The following CDH16 variants were observed in gnomAD, a reference collection of about 807,000 sequenced individuals.
CDH16 encodes the protein cadherin-16.
Under a neutral mutation model 87.6 loss-of-function variants are expected in CDH16, and 79 were observed. The observed-to-expected ratio is 0.90, with a 90% CI of 0.75 to 1.09. CDH16 has a LOEUF of 1.09. Ranked by LOEUF, CDH16 falls within the 50% of genes least tolerant of loss-of-function variation. The pLI, the probability that CDH16 is intolerant of heterozygous loss-of-function variation, is 0.00. For synonymous variants in CDH16, 457 were observed against 439.5 expected (o/e 1.04, Z -0.50); for missense variants, 1,124 against 1,071.7 (o/e 1.05, Z -0.68).
chr16:66,912,665 A>G lies in CDH16; in HGVS notation c.1281T>C (p.Gly427=), dbSNP rs1596977151. ...VLAMDLAGAE[G]GFSSTCEVEV... Reference sequence around the variant, plus strand: ...TGGGTCACCAATCAGGGCACTTACCACCCTCTGCGCCTGCCAGGTCCATGG... The same window carrying G: ...TGGGTCACCAATCAGGGCACTTACCGCCCTCTGCGCCTGCCAGGTCCATGG... The change falls in exon 10 of 18, where the codon GGT becomes GGC. Residue 427 remains glycine, a splice_region_variant and synonymous_variant. Coordinates refer to ENST00000299752, the MANE Select transcript of CDH16 (RefSeq NM_004062.4). The G allele has an allele frequency of 6.2e-7, 1 of 1,613,876 alleles. No individual in the cohort carries two copies.
In CDH16 at chr16:66,911,943, G is replaced by A. The variant is rs142024712; in HGVS notation, c.1746C>T (p.Phe582=). 50 of 1,612,608 alleles carry A rather than the reference G, an allele frequency of 3.1e-5. No individual in the cohort carries two copies. The African/African-American group carries it at 5.3e-4, about 17-fold the overall frequency. The stretch of plus-strand genomic sequence containing the variant: ...GGTCGGAGGGCTGGATGGTCAGCAG[G>A]AAAGAGCCGGCTGGGGCACTGATGG... ...SVPISAPAGS[F]LLTIQPSDPI... Residue 582 remains phenylalanine (F), a synonymous_variant, in exon 13 of 18, where the codon TTC becomes TTT. Coordinates refer to ENST00000299752, the MANE Select transcript of CDH16 (RefSeq NM_004062.4).
Position 66,917,552 on chromosome 16 carries a change from A to T in CDH16, c.129+90T>A, listed in dbSNP as rs533980191. 2.2e-6 allele frequency: 2 copies of T among 894,710 alleles called. 1 individual carries two copies. The highest frequency in any genetic ancestry group is 4.0e-5 in the Admixed American group (2 of 50,546). 55.4% of individuals were successfully genotyped at this position (894,710 alleles called of 1,614,324 possible). A position where few individuals can be genotyped will look rare whatever the true frequency, so the allele number is the denominator to read the frequency against. ...CTCTGGAAAGCAGGATTTCAAAGAG[A>T]AACAGCAAGAGGAAGGGTGCCAGAG... On this transcript the variant is annotated intron_variant, in intron 3 of 17. Transcript: ENST00000299752.
At position 66,908,131 on chromosome 16, in the gene CDH16, C is replaced by G. The variant is rs1962239528; in HGVS notation, c.*261G>C. On this transcript the variant is annotated 3_prime_UTR_variant, in exon 18 of 18. Transcript: ENST00000299752. The stretch of plus-strand genomic sequence containing the variant: ...CACTGAGACACAGACATACCAATCC[C>G]ATAGGGCCCAGCCCAGTTCTCTGGG... The G allele has an allele frequency of 1.9e-6, 1 of 524,846 alleles. No individual in the cohort carries two copies. The highest frequency in any genetic ancestry group is 3.4e-6 in the Non-Finnish European group (1 of 290,992). The allele number at this position is 524,846 out of a possible 1,614,324, so 32.5% of individuals were successfully genotyped here. A position where few individuals can be genotyped will look rare whatever the true frequency, so the allele number is the denominator to read the frequency against.
chr16:66,915,436 A>G, intron 5 of CDH16, 58 bp from the exon 6 acceptor site: 1 of 1,539,860 alleles, frequency 6.5e-7, no homozygotes, highest in South Asian at 1.2e-5. Context: ...AGAGTCTCCC[A>G]TGCCTCTCCT....
In CDH16 at chr16:66,913,182, TA is replaced by T; in HGVS notation, c.1002del (p.Ile335SerfsTer21). ...ACTGTGGGGTCACGGGGAGGGCAGATAGGCACGTTGTCATTCTCATCCATCA... is the reference window on the plus strand; with the variant it reads ...ACTGTGGGGTCACGGGGAGGGCAGATGGCACGTTGTCATTCTCATCCATCA... Reference protein sequence around the residue: ...VLVMDENDNVPICPPRDPTVS... With the variant: ...VLVMDENDNVXICPPRDPTVS... On this transcript the variant is annotated frameshift_variant, in exon 9 of 18. Coordinates refer to ENST00000299752, the MANE Select transcript of CDH16 (RefSeq NM_004062.4). LOFTEE classifies it high-confidence loss of function. 1 of 1,608,136 alleles carries T rather than the reference TA, an allele frequency of 6.2e-7. No individual in the cohort carries two copies. Among genetic ancestry groups the T allele is most frequent in the Non-Finnish European group, 8.5e-7 (1 of 1,177,132 alleles).
Position 66,916,339 on chromosome 16 carries a change from C to T in CDH16, c.220G>A (p.Asp74Asn). The T allele has an allele frequency of 6.2e-7, 1 of 1,614,182 alleles. No homozygotes were observed. Among genetic ancestry groups the T allele is most frequent in the Non-Finnish European group, 8.5e-7 (1 of 1,179,994 alleles). ...CTGGTCACCAGCAGGAAGCCAGAAT[C>T]TGGATCCATAGCAAATGGGCCCTCA... ...ATEGPFAMDP[D>N]SGFLLVTRAL... Residue 74 changes from aspartate (D) to asparagine (N), a missense_variant, in exon 4 of 18, where the codon GAT becomes AAT. Coordinates refer to ENST00000299752, the MANE Select transcript of CDH16 (RefSeq NM_004062.4). The surrounding 1 kb of genome is among the most constrained non-coding windows in gnomAD (Gnocchi z 4.1).
Position 66,912,526 on chromosome 16 carries a change from G to A in CDH16, c.1337C>T (p.Ala446Val), listed in dbSNP as rs371576516. 7.4e-6 allele frequency: 12 copies of A among 1,614,084 alleles called. No individual in the cohort carries two copies. The highest frequency in any genetic ancestry group is 9.3e-6 in the Non-Finnish European group (11 of 1,180,034). Residue 446 changes from alanine (A) to valine (V), a missense_variant, in exon 11 of 18, where the codon GCC (alanine) becomes GTC (valine). Transcript: ENST00000299752. Reference sequence around the variant, plus strand: ...TACCTGGGAAGTGATGAACTCAGGGGCGTGATCATTGATATCTGTGACTGC... The same window carrying A: ...TACCTGGGAAGTGATGAACTCAGGGACGTGATCATTGATATCTGTGACTGC... ...EVAVTDINDHAPEFITSQIGP... is the reference protein window; with the variant it reads ...EVAVTDINDHVPEFITSQIGP...
rs780108299 is a variant in CDH16, at chr16:66,910,247, C to T, written c.2167+13G>A. On this transcript the variant is annotated intron_variant, in intron 15 of 17. Coordinates refer to ENST00000299752, the MANE Select transcript of CDH16 (RefSeq NM_004062.4). The stretch of plus-strand genomic sequence containing the variant: ...CCTTGGCCACAGCCTCCCTCCCTTT[C>T]CCCACCACACACCATTGAGAGTCTG... The T allele has an allele frequency of 1.9e-6, 3 of 1,579,134 alleles. No individual in the cohort carries two copies. In the Admixed American group the frequency reaches 5.3e-5, roughly 28 times the overall value.
chr16:66,908,958 C>T (rs977214039), intron 17 of CDH16, among the ~76,000 whole-genome samples: 11 of 152,196 alleles, frequency 7.2e-5, no homozygotes, highest in Non-Finnish European at 2.9e-5. Context: ...GTCACTTAAC[C>T]TCTCTGAGCC....
At position 66,908,500 on chromosome 16, in the gene CDH16, C is replaced by T. The variant is rs1450855288; in HGVS notation, c.2393-11G>A. ...GGATGAGGAAGATTCCTGTGGGGCC[C>T]AAGAGGGATGTATCAGGCCTCAGAA... On this transcript the variant is annotated splice_polypyrimidine_tract_variant and intron_variant, in intron 17 of 17. Coordinates refer to ENST00000299752, the MANE Select transcript of CDH16 (RefSeq NM_004062.4). The T allele has an allele frequency of 1.2e-6, 2 of 1,608,874 alleles. No homozygotes were observed. Among genetic ancestry groups the T allele is most frequent in the Non-Finnish European group, 1.7e-6 (2 of 1,175,418 alleles).
chr16:66,913,587 G>C lies in CDH16; in HGVS notation c.807C>G (p.His269Gln). The C allele has an allele frequency of 6.2e-7, 1 of 1,613,996 alleles. No homozygotes were observed. The highest frequency in any genetic ancestry group is 1.7e-4 in the Middle Eastern group (1 of 6,060). ...AQVHWSGGDV[H>Q]YHLESHPPGP... ...CCGGGGGATGGCTCTCCAGGTGATA[G>C]TGCACATCACCCCCACTCCAGTGTA... is the stretch of plus-strand genomic sequence containing the variant. Residue 269 changes from histidine to glutamine, a missense_variant, in exon 8 of 18, where the codon CAC (histidine) becomes CAG (glutamine). His to Gln is a conservative substitution (Grantham distance 24). Coordinates refer to ENST00000299752, the MANE Select transcript of CDH16 (RefSeq NM_004062.4).
intron 14 of CDH16, chr16:66,910,742 C>T: frequency 2.3e-6 from 1 of 429,884 alleles, no homozygotes; most frequent in Non-Finnish European, 4.0e-6. Flanking sequence ...TGAAACCTGC[C>T]TCCCGGGGCT....
Position 66,912,904 on chromosome 16 carries a change from C to T in CDH16, c.1055-13G>A. On this transcript the variant is annotated splice_polypyrimidine_tract_variant and intron_variant, in intron 9 of 17. Transcript: ENST00000299752. ...GTCACTTCAGTACCTGCCAAGACAG[C>T]ACCCGCCTGGATAGGACCACAGCCC... 2 of 1,603,724 alleles carry T rather than the reference C, an allele frequency of 1.2e-6. No homozygotes were observed. The highest frequency in any genetic ancestry group is 2.2e-5 in the South Asian group (2 of 90,868).
At position 66,910,390 on chromosome 16, in the gene CDH16, G is replaced by A; in HGVS notation, c.2037C>T (p.Arg679=). 2 of 1,613,472 alleles carry A rather than the reference G, an allele frequency of 1.2e-6. No individual in the cohort carries two copies. Among genetic ancestry groups the A allele is most frequent in the Non-Finnish European group, 1.7e-6 (2 of 1,179,688 alleles). The change falls in exon 15 of 18, where the codon CGC becomes CGT. Residue 679 remains arginine, a synonymous_variant. Coordinates refer to ENST00000299752, the MANE Select transcript of CDH16 (RefSeq NM_004062.4). Reference sequence around the variant, plus strand: ...CACTCACGATCAAGCCATGGTCTTGGCGGGGTGTGCAGAGGTATTGGGAGG... The same window carrying A: ...CACTCACGATCAAGCCATGGTCTTGACGGGGTGTGCAGAGGTATTGGGAGG... ...PVPSQYLCTP[R]QDHGLIVSGP...
intron 14 of CDH16, 95 bp from the exon 15 acceptor site, chr16:66,910,597 CT>C: frequency 7.8e-7 from 1 of 1,283,148 alleles, no homozygotes; most frequent in South Asian, 1.9e-5. Flanking sequence ...TGAGCCTCGC[CT>C]TATAGACTCC....
At position 66,912,796 on chromosome 16, in the gene CDH16, C is replaced by T. The variant is rs1351877711; in HGVS notation, c.1150G>A (p.Asp384Asn). ...TGGAAGGCTCTCCCCTCTACCCCATCCTCAGGCTCAGGGCTCAGGAGCTGA... is the reference window on the plus strand; with the variant it reads ...TGGAAGGCTCTCCCCTCTACCCCATTCTCAGGCTCAGGGCTCAGGAGCTGA... ...VYQLLSPEPE[D>N]GVEGRAFQVD... The change falls in exon 10 of 18, where the codon GAT (aspartate) becomes AAT (asparagine). Residue 384 changes from aspartate (D) to asparagine (N), a missense_variant. Physicochemically the swap from Asp to Asn is conservative, Grantham distance 23. Transcript: ENST00000299752. 1 of 1,613,740 alleles carries T rather than the reference C, an allele frequency of 6.2e-7. No homozygotes were observed. Among genetic ancestry groups the T allele is most frequent in the Non-Finnish European group, 8.5e-7 (1 of 1,180,020 alleles).
rs140803819 is a variant in CDH16 at position 66,912,568 on chromosome 16, G to A, written c.1295C>T (p.Thr432Met). 2.7e-4 allele frequency: 434 copies of A among 1,614,184 alleles called. 4 individuals carry two copies. In the East Asian group the frequency reaches 6.9e-3, roughly 26 times the overall value. Residue 432 changes from threonine to methionine, a missense_variant, in exon 11 of 18, where the codon ACG (threonine) becomes ATG (methionine). By Grantham distance (81) the Thr-to-Met change is moderately conservative. Transcript: ENST00000299752. ...LAGAEGGFSS[T>M]CEVEVAVTDI... ...TGTGACTGCGACTTCGACTTCACAC[G>A]TGCTGCTGAAGCCTAGGGCAGAGGT...
Position 66,912,442 on chromosome 16 carries a change from G to A in CDH16, c.1360-12C>T. 1 of 1,614,066 alleles carries A rather than the reference G, an allele frequency of 6.2e-7. No homozygotes were observed. Among genetic ancestry groups the A allele is most frequent in the Non-Finnish European group, 8.5e-7 (1 of 1,179,902 alleles). On this transcript the variant is annotated splice_polypyrimidine_tract_variant and intron_variant, in intron 11 of 17. Coordinates refer to ENST00000299752, the MANE Select transcript of CDH16 (RefSeq NM_004062.4). ...CTTATAGGCCCAATCTGGAGGAGGA[G>A]GAGGGATGGTGAGCCCCCCACCAGC...
rs140402697 is a variant in CDH16 at position 66,913,188 on chromosome 16, C to T, written c.997G>A (p.Val333Met). ...GGGTCACGGGGAGGGCAGATAGGCA[C>T]GTTGTCATTCTCATCCATCACCAGC... ...HVLVMDENDN[V>M]PICPPRDPTV... The change falls in exon 9 of 18, where the codon GTG becomes ATG. Residue 333 changes from valine to methionine, a missense_variant. Coordinates refer to ENST00000299752, the MANE Select transcript of CDH16 (RefSeq NM_004062.4). 1.9e-4 allele frequency: 300 copies of T among 1,605,966 alleles called. 1 individual carries two copies. The highest frequency in any genetic ancestry group is 8.3e-4 in the Middle Eastern group (5 of 6,016).
Sources: allele counts gnomAD v4.1 joint callset (sites outside exome capture counted in the v4.1 genomes callset), GRCh38; gene constraint gnomAD v4.1.1; non-coding constraint Gnocchi (gnomAD v3.1); transcripts MANE v1.5; gene names NCBI Gene and HGNC (gene_info 2026-07-23, HGNC 2026-07-21).